The following CDH13 variants were observed in gnomAD, a reference collection of about 807,000 sequenced individuals.
CDH13 encodes cadherin-13.
A neutral mutation model predicts 63.8 loss-of-function variants in CDH13; 24 were observed. That is an observed-to-expected ratio of 0.38 (90% CI 0.27 to 0.53). The LOEUF (loss-of-function observed/expected upper bound fraction) is 0.53. Ranked by LOEUF, CDH13 falls within the 20% of genes least tolerant of loss-of-function variation. The pLI, the probability that CDH13 is intolerant of heterozygous loss-of-function variation, is 0.85. For synonymous variants in CDH13, 503 were observed against 355.3 expected (o/e 1.42, Z -4.67); for missense variants, 1,049 against 903.1 (o/e 1.16, Z -2.07).
chr16:83,394,091 AG>A (rs2151433339), intron 6 of CDH13, among the ~76,000 whole-genome samples: 1 of 152,224 alleles, frequency 6.6e-6, no homozygotes, highest in South Asian at 2.1e-4. Context: ...GTCCTACTTG[AG>A]GGTGGAGGTT....
chr16:83,233,971 T>A (rs1486138578), intron 5 of CDH13, among the ~76,000 whole-genome samples: 1 of 152,222 alleles, frequency 6.6e-6, no homozygotes. Context: ...TGATGGATGA[T>A]CTTAACCTTT....
At chr16:83,515,609 A>G (rs2074682265) in intron 7 of CDH13, among the ~76,000 whole-genome samples, 1 of 152,192 alleles carries the variant, frequency 6.6e-6, no homozygotes, top group African/African-American at 2.4e-5. Context: ...TTCCAGTGTT[A>G]AAAAGCAGTG....
intron 2 of CDH13, among the ~76,000 whole-genome samples, chr16:82,911,138 T>G (rs1331526911): frequency 1.3e-5 from 2 of 152,166 alleles, no homozygotes; most frequent in Non-Finnish European, 2.9e-5. Flanking sequence ...AAACCAGAGC[T>G]TTGAGCGTTC....
In CDH13 at chr16:83,795,053, G is replaced by C; in HGVS notation, c.*23G>C. The stretch of plus-strand genomic sequence containing the variant: ...TGAGAACTCCTGACGTCTGAAGCTT[G>C]ACTCCCAAGTTTCCATAGCAACAGG... On this transcript the variant is annotated 3_prime_UTR_variant, in exon 14 of 14. Transcript: ENST00000567109. 1 of 1,579,324 alleles carries C rather than the reference G, an allele frequency of 6.3e-7. No individual in the cohort carries two copies. Among genetic ancestry groups the C allele is most frequent in the Non-Finnish European group, 8.6e-7 (1 of 1,162,854 alleles).
At chr16:82,808,191 C>G (rs1567556054) in intron 1 of CDH13, among the ~76,000 whole-genome samples, 1 of 152,068 alleles carries the variant, frequency 6.6e-6, no homozygotes, top group Non-Finnish European at 1.5e-5. Flanking sequence ...TCTAAAAATC[C>G]TTTCTTTGTG....
intron 6 of CDH13, among the ~76,000 whole-genome samples, chr16:83,395,324 A>T (rs1022760528): frequency 4.6e-5 from 7 of 151,864 alleles, no homozygotes; most frequent in African/African-American, 1.7e-4. Flanking sequence ...AAAAAAAAAA[A>T]AAGTCAAGGA....
chr16:82,641,117 G>T (rs78567916), intron 1 of CDH13, among the ~76,000 whole-genome samples: 1 of 152,134 alleles, frequency 6.6e-6, no homozygotes, highest in Admixed American at 6.5e-5. Flanking sequence ...TTGCTGCTGG[G>T]TCTCTACAAA....
At chr16:83,274,202 C>T (rs184375143) in intron 5 of CDH13, among the ~76,000 whole-genome samples, 2 of 152,302 alleles carry the variant, frequency 1.3e-5, no homozygotes, top group East Asian at 3.9e-4. Flanking sequence ...AACCATTCTG[C>T]TGGGTGGGAT....
At chr16:82,676,473 G>A (rs928312063) in intron 1 of CDH13, among the ~76,000 whole-genome samples, 1 of 146,374 alleles carries the variant, frequency 6.8e-6, no homozygotes, top group Non-Finnish European at 1.5e-5. Context: ...CCTAATCTGA[G>A]CTACCATCAT....
At chr16:83,263,188 C>G (rs540577706) in intron 5 of CDH13, among the ~76,000 whole-genome samples, 66 of 152,304 alleles carry the variant, frequency 4.3e-4, no homozygotes, top group African/African-American at 1.3e-3. Flanking sequence ...TTTTAGGAAT[C>G]AAGTGATACA....
intron 5 of CDH13, among the ~76,000 whole-genome samples, chr16:83,248,736 C>G (rs1463462520): frequency 6.6e-6 from 1 of 152,056 alleles, no homozygotes; most frequent in African/African-American, 2.4e-5. Context: ...ATCTCATTAT[C>G]TTCCATTTCT....
At chr16:83,331,914 A>G (rs1029212809) in intron 5 of CDH13, among the ~76,000 whole-genome samples, 1 of 152,126 alleles carries the variant, frequency 6.6e-6, no homozygotes, top group African/African-American at 2.4e-5. Flanking sequence ...ATGAGTATAC[A>G]TGTTGCTACA....
intron 1 of CDH13, among the ~76,000 whole-genome samples, chr16:82,713,266 G>T (rs2032095065): frequency 6.6e-6 from 1 of 152,110 alleles, no homozygotes; most frequent in Non-Finnish European, 1.5e-5. Flanking sequence ...GAGGTCCAAG[G>T]ATCTGCAACT....
At chr16:82,930,753 C>G (rs1326377537) in intron 2 of CDH13, among the ~76,000 whole-genome samples, 1 of 151,894 alleles carries the variant, frequency 6.6e-6, no homozygotes, top group African/African-American at 2.4e-5. Flanking sequence ...TTGGTGATGC[C>G]CAGATATATC....
intron 4 of CDH13, chr16:83,171,579 G>A (rs955233867): frequency 6.5e-7 from 1 of 1,531,210 alleles, no homozygotes; most frequent in Non-Finnish European, 8.7e-7. Flanking sequence ...TAAGTGCACA[G>A]GAAATTTTGA....
At chr16:83,350,628 C>A (rs767434271) in intron 6 of CDH13, among the ~76,000 whole-genome samples, 1 of 152,172 alleles carries the variant, frequency 6.6e-6, no homozygotes, top group South Asian at 2.1e-4. Flanking sequence ...TCTGAATGTG[C>A]AACACTGGAC....
chr16:83,511,094 A>ATGCACGCG (rs1555564264), intron 7 of CDH13, among the ~76,000 whole-genome samples: 6 of 151,222 alleles, frequency 4.0e-5, no homozygotes, highest in African/African-American at 1.5e-4. Flanking sequence ...GCACACACAC[A>ATGCACGCG]TGCACACATG....
rs1008932835 is a variant in CDH13 at position 83,127,059 on chromosome 16, C to T, written c.483+1558C>T. On this transcript the variant is annotated intron_variant, in intron 4 of 13. Transcript: ENST00000567109. ...GGAGACTGGAAGGGTGAGAAAGGAACAGTTACAGGTATATCTGGTTGAACA... is the reference window on the plus strand; with the variant it reads ...GGAGACTGGAAGGGTGAGAAAGGAATAGTTACAGGTATATCTGGTTGAACA... Among the ~76,000 whole-genome samples the T allele has an allele frequency of 6.6e-5, 10 of 152,226 alleles. No homozygotes were observed. In the East Asian group the frequency reaches 9.7e-4, roughly 15 times the overall value.
intron 3 of CDH13, among the ~76,000 whole-genome samples, chr16:83,113,627 G>A (rs754798277): frequency 3.3e-5 from 5 of 152,178 alleles, no homozygotes; most frequent in Non-Finnish European, 7.3e-5. Context: ...AGGGCTCTAG[G>A]GGAAAAAGGC....
Sources: allele counts gnomAD v4.1 joint callset (sites outside exome capture counted in the v4.1 genomes callset), GRCh38; gene constraint gnomAD v4.1.1; transcripts MANE v1.5; gene names NCBI Gene and HGNC (gene_info 2026-07-23, HGNC 2026-07-21).